PSMA3: variants seen among roughly 807,000 people sequenced by gnomAD.
PSMA3 encodes the protein proteasome 20S subunit alpha 3.
PSMA3 carries 8 observed loss-of-function variants against 40.0 expected under a neutral mutation model. The observed-to-expected ratio is 0.20, with a 90% CI of 0.12 to 0.36. PSMA3 has a LOEUF of 0.36. Ranked by LOEUF, PSMA3 falls within the 10% of genes least tolerant of loss-of-function variation. The pLI, the probability that PSMA3 is intolerant of heterozygous loss-of-function variation, is 1.00. For synonymous variants in PSMA3, 110 were observed against 100.0 expected, an observed-to-expected ratio of 1.10 and a Z score of -0.59; for missense variants, 219 against 310.6, an observed-to-expected ratio of 0.70 and a Z score of 2.22.
At chr14:58,253,075 C>CCTGGGTT (rs1353562662) in intron 3 of PSMA3, among the ~76,000 whole-genome samples, 1 of 151,344 alleles carries the variant, frequency 6.6e-6, no homozygotes, top group Non-Finnish European at 1.5e-5. Context: ...GCCTCTGCCT[C>CCTGGGTT]CTGGGTTCAA....
chr14:58,250,449 G>A (rs1262866315), intron 2 of PSMA3, among the ~76,000 whole-genome samples: 1 of 152,066 alleles, frequency 6.6e-6, no homozygotes, highest in East Asian at 1.9e-4. Context: ...TCAAAGACAT[G>A]GAATCAAAAA....
intron 6 of PSMA3, 89 bp from the exon 7 acceptor site, chr14:58,263,616 C>T: frequency 3.0e-6 from 3 of 1,015,640 alleles, no homozygotes; most frequent in South Asian, 3.6e-5. Context: ...ATTTAGCATC[C>T]TTTCACTAGG....
chr14:58,255,750 CAA>C (rs1449765333), intron 3 of PSMA3, among the ~76,000 whole-genome samples: 1 of 152,148 alleles, frequency 6.6e-6, no homozygotes, highest in African/African-American at 2.4e-5. Flanking sequence ...GCCTGGGCAA[CAA>C]GAGCAAAACT....
intron 8 of PSMA3, chr14:58,269,547 C>G (rs1230415203): frequency 6.6e-6 from 1 of 151,924 alleles, no homozygotes; most frequent in African/African-American, 2.4e-5. Flanking sequence ...AGTCTCCTGC[C>G]TCAGTTTCCC....
chr14:58,267,575 A>T (rs1890481269), intron 8 of PSMA3, 55 bp downstream of exon 8: 3 of 1,520,566 alleles, frequency 2.0e-6, no homozygotes, highest in Non-Finnish European at 2.6e-6. Flanking sequence ...ACCTTTGCAT[A>T]TATATATTAC....
chr14:58,249,341 A>T (rs767498411), intron 2 of PSMA3, among the ~76,000 whole-genome samples: 130 of 151,478 alleles, frequency 8.6e-4, no homozygotes, highest in Non-Finnish European at 1.4e-3. Flanking sequence ...TTCTTATTTT[A>T]AAAAAAAATG....
At chr14:58,263,253 G>A (rs1890334531) in intron 6 of PSMA3, among the ~76,000 whole-genome samples, 1 of 151,954 alleles carries the variant, frequency 6.6e-6, no homozygotes, top group South Asian at 2.1e-4. Flanking sequence ...CCATAGTGCT[G>A]GGATTACAGG....
chr14:58,245,629 G>A (rs972044521), intron 1 of PSMA3, among the ~76,000 whole-genome samples: 5 of 152,174 alleles, frequency 3.3e-5, no homozygotes, highest in African/African-American at 1.2e-4. Context: ...ATTTTGCAGT[G>A]GGACTTGTTA....
intron 8 of PSMA3, 111 bp downstream of exon 8, chr14:58,267,631 A>C: frequency 7.7e-7 from 1 of 1,299,762 alleles, no homozygotes; most frequent in South Asian, 2.4e-5. Flanking sequence ...TTAGTGTATA[A>C]TTTTTAGAAG....
chr14:58,244,904 C>G lies in PSMA3; in HGVS notation c.-17C>G, dbSNP rs762317698. On this transcript the variant is annotated 5_prime_UTR_variant, in exon 1 of 11. Transcript: ENST00000216455. ...TCCGGGCCTGGAATCCCTACGCGTC[C>G]CTTTGGGTTTAGCACGATGAGCTCA... is the stretch of plus-strand genomic sequence containing the variant. The G allele has an allele frequency of 1.2e-6, 2 of 1,614,110 alleles. No individual in the cohort carries two copies. The highest frequency in any genetic ancestry group is 1.7e-6 in the Non-Finnish European group (2 of 1,180,004).
intron 3 of PSMA3, among the ~76,000 whole-genome samples, chr14:58,257,429 CAG>C (rs1366781562): frequency 4.0e-5 from 6 of 151,502 alleles, no homozygotes; most frequent in African/African-American, 1.5e-4. Context: ...ACCCAGGAGG[CAG>C]AGTGTGAAGT....
intron 5 of PSMA3, 52 bp from the exon 6 acceptor site, chr14:58,260,896 A>G (rs1890262982): frequency 3.8e-6 from 5 of 1,307,032 alleles, no homozygotes; most frequent in African/African-American, 3.0e-5. Flanking sequence ...TTTTTTCACA[A>G]ATACTTTTAT....
chr14:58,259,368 G>GC (rs1328360439), intron 5 of PSMA3, among the ~76,000 whole-genome samples: 4 of 152,064 alleles, frequency 2.6e-5, no homozygotes, highest in Non-Finnish European at 5.9e-5. Context: ...AGGCTGGAAT[G>GC]CAGTGGCACG....
intron 5 of PSMA3, 139 bp from the exon 6 acceptor site, chr14:58,260,809 G>C (rs1467139005): frequency 1.9e-6 from 1 of 524,538 alleles, no homozygotes; most frequent in South Asian, 3.2e-5. Flanking sequence ...TGAAACCACT[G>C]TTTCAAAGTA....
chr14:58,267,751 G>C (rs952399912), intron 8 of PSMA3: 1 of 731,926 alleles, frequency 1.4e-6, no homozygotes, highest in Middle Eastern at 5.5e-4. Context: ...ATAAACTCCT[G>C]TTACAGGTTA....
At chr14:58,254,402 A>AT (rs1190046521) in intron 3 of PSMA3, among the ~76,000 whole-genome samples, 2 of 136,196 alleles carry the variant, frequency 1.5e-5, no homozygotes, top group African/African-American at 2.7e-5. Context: ...CAGTGGCATG[A>AT]TCATAGCTCA....
At chr14:58,251,110 G>C (rs373417032) in intron 2 of PSMA3, among the ~76,000 whole-genome samples, 1 of 151,964 alleles carries the variant, frequency 6.6e-6, no homozygotes, top group East Asian at 1.9e-4. Context: ...TTAAAAAAAA[G>C]AAGAAAGAGA....
intron 2 of PSMA3, among the ~76,000 whole-genome samples, chr14:58,251,285 G>A (rs1890004530): frequency 6.6e-6 from 1 of 152,164 alleles, no homozygotes; most frequent in East Asian, 1.9e-4. Context: ...TTTACTTGAG[G>A]TTGTGTGTGT....
intron 7 of PSMA3, chr14:58,265,210 C>G (rs1484954616): frequency 2.6e-5 from 4 of 152,202 alleles, no homozygotes; most frequent in Non-Finnish European, 4.4e-5. Context: ...CTACAGTGAG[C>G]TATGATCACG....
Sources: allele counts gnomAD v4.1 joint callset (sites outside exome capture counted in the v4.1 genomes callset), GRCh38; gene constraint gnomAD v4.1.1; transcripts MANE v1.5; gene names NCBI Gene and HGNC (gene_info 2026-07-23, HGNC 2026-07-21).